Variants in ENTREP2 observed in about 807,000 individuals in gnomAD.
ENTREP2 encodes protein ENTREP2.
the ENTREP2 span, among the ~76,000 whole-genome samples, chr15:29,397,030 G>A: frequency 6.6e-6 from 1 of 152,120 alleles, no homozygotes; most frequent in Non-Finnish European, 1.5e-5. Context: ...AATATTAAAT[G>A]TAAATAATTA....
At chr15:29,313,954 C>T in the ENTREP2 span, among the ~76,000 whole-genome samples, 2 of 152,184 alleles carry the variant, frequency 1.3e-5, no homozygotes, top group Non-Finnish European at 2.9e-5. Flanking sequence ...CCAATCCTCA[C>T]AGGTGACCTT....
At chr15:29,190,426 T>G in the ENTREP2 span, among the ~76,000 whole-genome samples, 1 of 151,978 alleles carries the variant, frequency 6.6e-6, no homozygotes, top group Non-Finnish European at 1.5e-5. Context: ...ATCCAGGGGT[T>G]TCGGGGCCTC....
the ENTREP2 span, among the ~76,000 whole-genome samples, chr15:29,554,529 C>T: frequency 6.6e-6 from 1 of 152,166 alleles, no homozygotes; most frequent in Non-Finnish European, 1.5e-5. Flanking sequence ...TATTGAAGAT[C>T]TACAGGTCCA....
the ENTREP2 span, among the ~76,000 whole-genome samples, chr15:29,389,514 TG>T: frequency 6.6e-6 from 1 of 152,134 alleles, no homozygotes; most frequent in African/African-American, 2.4e-5. Context: ...TGTTCATCAG[TG>T]AGCTTCTGTG....
At chr15:29,507,629 T>C in the ENTREP2 span, among the ~76,000 whole-genome samples, 1 of 152,144 alleles carries the variant, frequency 6.6e-6, no homozygotes, top group Non-Finnish European at 1.5e-5. Context: ...ACATGGAAAC[T>C]GAACAACCTG....
the ENTREP2 span, among the ~76,000 whole-genome samples, chr15:29,468,978 C>T: frequency 2.0e-5 from 3 of 152,176 alleles, no homozygotes; most frequent in Non-Finnish European, 4.4e-5. Flanking sequence ...AGAGCAGCCC[C>T]ATGCAGCCAA....
chr15:29,435,692 A>G, the ENTREP2 span, among the ~76,000 whole-genome samples: 6 of 151,838 alleles, frequency 4.0e-5, no homozygotes, highest in East Asian at 1.9e-4. Flanking sequence ...ACACATATAT[A>G]TGTATATATA....
the ENTREP2 span, chr15:29,128,658 T>C: frequency 1.3e-6 from 1 of 765,416 alleles, no homozygotes; most frequent in Non-Finnish European, 2.3e-6. Context: ...CTCCACCCTC[T>C]TAAAGAGTAA....
the ENTREP2 span, among the ~76,000 whole-genome samples, chr15:29,493,708 G>T: frequency 2.0e-5 from 3 of 152,190 alleles, no homozygotes; most frequent in South Asian, 4.2e-4. Context: ...AGGCATGGTG[G>T]CTCAGGCCTG....
chr15:29,593,776 C>G, the ENTREP2 span, among the ~76,000 whole-genome samples: 1 of 152,082 alleles, frequency 6.6e-6, no homozygotes, highest in African/African-American at 2.4e-5. Flanking sequence ...CTGATGGTTG[C>G]CAGGGAATCA....
At chr15:29,359,860 C>T in the ENTREP2 span, among the ~76,000 whole-genome samples, 2 of 152,164 alleles carry the variant, frequency 1.3e-5, no homozygotes. Flanking sequence ...ATTAAATACA[C>T]ATGAAAATCA....
chr15:29,529,280 A>C, the ENTREP2 span, among the ~76,000 whole-genome samples: 7 of 92,562 alleles, frequency 7.6e-5, no homozygotes, highest in South Asian at 2.7e-3. Flanking sequence ...TGTGGTAGCT[A>C]ATCCAGTAAA....
chr15:29,239,607 G>C, the ENTREP2 span, among the ~76,000 whole-genome samples: 2 of 152,164 alleles, frequency 1.3e-5, no homozygotes, highest in East Asian at 3.9e-4. Context: ...GGGCTAACCA[G>C]ACTTTCAAGG....
chr15:29,541,683 C>G, the ENTREP2 span, among the ~76,000 whole-genome samples: 1 of 152,104 alleles, frequency 6.6e-6, no homozygotes, highest in Admixed American at 6.6e-5. Context: ...AAAAGGCACC[C>G]ATGCTTAAAA....
the ENTREP2 span, among the ~76,000 whole-genome samples, chr15:29,271,392 G>T: frequency 6.6e-6 from 1 of 152,178 alleles, no homozygotes; most frequent in Non-Finnish European, 1.5e-5. Context: ...GGAATAGAGA[G>T]ACCGTCTCAT....
chr15:29,627,146 G>C, the ENTREP2 span, among the ~76,000 whole-genome samples: 1 of 152,030 alleles, frequency 6.6e-6, no homozygotes, highest in Non-Finnish European at 1.5e-5. Context: ...CACAAATTTC[G>C]ATGTGATGTG....
the ENTREP2 span, among the ~76,000 whole-genome samples, chr15:29,162,506 T>C: frequency 1.2e-4 from 19 of 152,178 alleles, no homozygotes; most frequent in African/African-American, 4.3e-4. Context: ...TCAGTTTGCA[T>C]GGGAGCTGGG....
the ENTREP2 span, among the ~76,000 whole-genome samples, chr15:29,347,593 CA>C: frequency 1.3e-4 from 19 of 151,880 alleles, no homozygotes; most frequent in African/African-American, 4.1e-4. Flanking sequence ...AATCAGAAAA[CA>C]AATCAAAAAA....
At chr15:29,398,015 C>G in the ENTREP2 span, among the ~76,000 whole-genome samples, 1 of 151,436 alleles carries the variant, frequency 6.6e-6, no homozygotes. Context: ...TAACTCCTTC[C>G]CCCTCATTAT....
Sources: gnomAD v4.1 joint callset for allele counts (sites outside exome capture counted in the v4.1 genomes callset) on GRCh38, gnomAD v4.1.1 for gene constraint, MANE v1.5 for transcripts, NCBI Gene and HGNC (gene_info 2026-07-23, HGNC 2026-07-21) for gene names.